The following MMP26 variants were observed in gnomAD, a reference collection of about 807,000 sequenced individuals.
MMP26 encodes matrix metalloproteinase-26.
MMP26 carries 33 observed loss-of-function variants against 31.0 expected under a neutral mutation model. The observed-to-expected ratio is 1.06, with a 90% CI of 0.81 to 1.42. The LOEUF (loss-of-function observed/expected upper bound fraction) is 1.42. Ranked by LOEUF, MMP26 falls within the 40% of genes most tolerant of loss-of-function variation. The pLI is 0.00. For synonymous variants in MMP26, 122 were observed against 114.9 expected (o/e 1.06, Z -0.40); for missense variants, 347 against 316.1 (o/e 1.10, Z -0.74).
chr11:4,986,368 G>C (rs530236951), intron 2 of MMP26, among the ~76,000 whole-genome samples: 1 of 151,406 alleles, frequency 6.6e-6, no homozygotes, highest in Admixed American at 6.6e-5. Context: ...TTTTCTTGGA[G>C]ATAGGATCTC....
At chr11:4,735,418 G>A (rs550555531) in intron 1 of MMP26, among the ~76,000 whole-genome samples, 5 of 152,122 alleles carry the variant, frequency 3.3e-5, no homozygotes, top group South Asian at 2.1e-4. Flanking sequence ...ATGTTCCCTC[G>A]AATAGTGTGT....
chr11:4,902,159 A>T (rs1850812295), intron 2 of MMP26, among the ~76,000 whole-genome samples: 1 of 152,200 alleles, frequency 6.6e-6, no homozygotes, highest in Admixed American at 6.5e-5. Flanking sequence ...AAATCTTGTG[A>T]GTTACCTTTC....
chr11:4,808,016 A>G (rs1849301133), intron 2 of MMP26, among the ~76,000 whole-genome samples: 1 of 152,062 alleles, frequency 6.6e-6, no homozygotes, highest in Non-Finnish European at 1.5e-5. Context: ...ATGTTACCCA[A>G]GCGTGTCTCA....
chr11:4,880,093 C>G (rs1008906295), intron 2 of MMP26, among the ~76,000 whole-genome samples: 2 of 152,046 alleles, frequency 1.3e-5, no homozygotes, highest in Admixed American at 1.3e-4. Context: ...GGGTAAGTCT[C>G]GGAGATGTGT....
intron 2 of MMP26, among the ~76,000 whole-genome samples, chr11:4,839,852 A>G (rs563780266): frequency 6.6e-6 from 1 of 151,896 alleles, no homozygotes; most frequent in African/African-American, 2.4e-5. Context: ...GCACAACCAC[A>G]GGGGTGTAGA....
chr11:4,804,484 A>C (rs761558249), intron 2 of MMP26: 1 of 868,548 alleles, frequency 1.2e-6, no homozygotes, highest in Non-Finnish European at 2.0e-6. Flanking sequence ...GGATGGGACT[A>C]TTGGATACCA....
At chr11:4,774,852 C>T (rs1848770305) in intron 2 of MMP26, among the ~76,000 whole-genome samples, 1 of 152,052 alleles carries the variant, frequency 6.6e-6, no homozygotes, top group African/African-American at 2.4e-5. Flanking sequence ...AAATGGATAG[C>T]TAGTTCTCCC....
chr11:4,769,244 T>C (rs11033793), intron 2 of MMP26: 197,251 of 1,612,250 alleles, frequency 0.12, 16,212 homozygotes, highest in African/African-American at 0.4. Context: ...GAGGACAGAG[T>C]GAATAATTAA....
intron 1 of MMP26, chr11:4,723,684 G>T: frequency 1.1e-6 from 1 of 914,840 alleles, no homozygotes; most frequent in Non-Finnish European, 1.8e-6. Context: ...GCCCTTGCAT[G>T]TTGCCAAGCT....
chr11:4,803,842 G>C (rs763566446), intron 2 of MMP26: 1 of 1,612,876 alleles, frequency 6.2e-7, no homozygotes, highest in Non-Finnish European at 8.5e-7. Context: ...CTCACAGTAT[G>C]ACTGGGGAAT....
chr11:4,895,322 A>G (rs1446181001), intron 2 of MMP26, among the ~76,000 whole-genome samples: 2 of 152,106 alleles, frequency 1.3e-5, no homozygotes, highest in African/African-American at 4.8e-5. Context: ...ATTACTTGAA[A>G]CCATAACGTC....
At chr11:4,890,689 GA>G (rs1389393238) in intron 2 of MMP26, 3 of 151,982 alleles carry the variant, frequency 2.0e-5, no homozygotes, top group Admixed American at 6.6e-5. Context: ...GTTTGTCTAT[GA>G]AATAAAGAAA....
intron 2 of MMP26, among the ~76,000 whole-genome samples, chr11:4,921,185 T>C (rs1344588031): frequency 6.6e-6 from 1 of 152,194 alleles, no homozygotes; most frequent in African/African-American, 2.4e-5. Context: ...GTACCTATCT[T>C]ATTTGAACTC....
intron 2 of MMP26, among the ~76,000 whole-genome samples, chr11:4,916,402 G>GA (rs79703641): frequency 0.83 from 124,879 of 150,576 alleles, 52,268 homozygotes; most frequent in East Asian, 0.93. Flanking sequence ...TCTTTTACTG[G>GA]AAAAAAAAAG....
rs747405881 is a variant in MMP26 at position 4,880,545 on chromosome 11, T to C, written c.-144-107523T>C. On this transcript the variant is annotated intron_variant, in intron 2 of 7. Coordinates refer to ENST00000380390, the MANE Select transcript of MMP26 (RefSeq NM_021801.5). ...CAAAACTCCCTTTCTGTGGCCATAA[T>C]TGTTTGGTAATCAATCAATGTTGCT... Among the ~76,000 whole-genome samples, 24 of 152,236 alleles carry C rather than the reference T, an allele frequency of 1.6e-4. 1 individual carries two copies. In the South Asian group the frequency reaches 4.8e-3, roughly 30 times the overall value.
chr11:4,747,971 T>C (rs1425544609), intron 1 of MMP26, among the ~76,000 whole-genome samples: 2 of 151,858 alleles, frequency 1.3e-5, no homozygotes, highest in African/African-American at 4.8e-5. Context: ...ATGGAATTAA[T>C]ACCAAAAGAA....
At chr11:4,907,095 T>TAAAAAAAAAAAAAAAAAAAAAAAAAAAA (rs3065178) in intron 2 of MMP26, among the ~76,000 whole-genome samples, 2 of 55,126 alleles carry the variant, frequency 3.6e-5, no homozygotes, top group Middle Eastern at 0.01. Flanking sequence ...AAACTCCCTC[T>TAAAAAAAAAAAAAAAAAAAAAAAAAAAA]AAAAAAAAAA....
rs533780002 is a variant in MMP26, at chr11:4,913,890, A to G, written c.-144-74178A>G. 2.0e-5 allele frequency: 3 copies of G among 152,240 alleles called. No individual in the cohort carries two copies. The East Asian group carries it at 5.8e-4, about 29-fold the overall frequency. The allele number at this position is 152,240 out of a possible 1,614,324, so 9.4% of individuals were successfully genotyped here. A position where few individuals can be genotyped will look rare whatever the true frequency, so the allele number is the denominator to read the frequency against. On this transcript the variant is annotated intron_variant, in intron 2 of 7. Coordinates refer to ENST00000380390, the MANE Select transcript of MMP26 (RefSeq NM_021801.5). ...TTCCCTTAAGGCTATTACTGTGTCA[A>G]CTCAGGGAAAACTTTTCTGATGCTC...
At chr11:4,899,827 C>T (rs777177006) in intron 2 of MMP26, among the ~76,000 whole-genome samples, 17 of 152,052 alleles carry the variant, frequency 1.1e-4, no homozygotes, top group South Asian at 1.0e-3. Flanking sequence ...TTAAAAGATC[C>T]TCACAATGTC....
Sources: allele counts gnomAD v4.1 joint callset (sites outside exome capture counted in the v4.1 genomes callset), GRCh38; gene constraint gnomAD v4.1.1; transcripts MANE v1.5; gene names NCBI Gene and HGNC (gene_info 2026-07-23, HGNC 2026-07-21).